Variants in ACADSB observed in about 807,000 individuals in gnomAD.
The protein encoded by ACADSB is short/branched chain specific acyl-CoA dehydrogenase, mitochondrial.
In ACADSB, 40 loss-of-function variants were observed where a neutral mutation model predicts 54.1. The observed-to-expected ratio is 0.74, with a 90% CI of 0.57 to 0.96. The LOEUF (loss-of-function observed/expected upper bound fraction) is 0.96, where lower values mean the gene tolerates loss of function less well. Among genes scored for constraint, ACADSB ranks in the 40% least tolerant of loss-of-function variants. The pLI is 0.00. For synonymous variants in ACADSB, 182 were observed against 182.8 expected (o/e 1.00, Z 0.03); for missense variants, 530 against 510.4 (o/e 1.04, Z -0.37).
intron 6 of ACADSB, among the ~76,000 whole-genome samples, chr10:123,043,395 C>A (rs1014383938): frequency 6.6e-6 from 1 of 152,218 alleles, no homozygotes; most frequent in Non-Finnish European, 1.5e-5. Context: ...GAAGCAAGTG[C>A]CAAGAATTCA....
intron 1 of ACADSB, among the ~76,000 whole-genome samples, chr10:123,009,274 G>T (rs1008403585): frequency 6.6e-6 from 1 of 152,174 alleles, no homozygotes; most frequent in Non-Finnish European, 1.5e-5. Flanking sequence ...TGGCAAGGGG[G>T]TCGGGGCTGT....
At chr10:123,024,200 G>T (rs1193227099) in intron 1 of ACADSB, among the ~76,000 whole-genome samples, 1 of 152,234 alleles carries the variant, frequency 6.6e-6, no homozygotes, top group Admixed American at 6.5e-5. Flanking sequence ...AGGCTGAGTG[G>T]GTTTCTTTTG....
rs902377456 is a variant in ACADSB at position 123,053,236 on chromosome 10, G to GT, written c.1228+83dup. The GT allele has an allele frequency of 3.4e-5, 42 of 1,234,146 alleles. No homozygotes were observed. The African/African-American group carries it at 4.4e-4, about 13-fold the overall frequency. 76.4% of individuals were successfully genotyped at this position (1,234,146 alleles called of 1,614,324 possible). ...AGGTATTTTGGCTGTTTTATTTGTC[G>GT]TTTTTTTCCTAGGTAAAAGCAATTT... On this transcript the variant is annotated intron_variant, in intron 10 of 10. Transcript: ENST00000358776.
chr10:123,041,474 C>T lies in ACADSB; in HGVS notation c.681+95C>T, dbSNP rs546153820. ...TTCTGTTTCCTTTTTAGGACTTCAT[C>T]TTGAACTCTTTAGTCTTCTCAGTAC... is the stretch of plus-strand genomic sequence containing the variant. On this transcript the variant is annotated intron_variant, in intron 5 of 10. Transcript: ENST00000358776. The T allele has an allele frequency of 4.5e-6, 6 of 1,320,210 alleles. No homozygotes were observed. In the East Asian group the frequency reaches 1.4e-4, roughly 31 times the overall value. 81.8% of individuals were successfully genotyped at this position (1,320,210 alleles called of 1,614,324 possible).
chr10:123,043,647 T>A (rs969990173), intron 6 of ACADSB, among the ~76,000 whole-genome samples: 8 of 152,110 alleles, frequency 5.3e-5, no homozygotes, highest in African/African-American at 1.9e-4. Context: ...TGGTGTCGGC[T>A]TTTCCACCAC....
intron 1 of ACADSB, among the ~76,000 whole-genome samples, chr10:123,020,462 G>A (rs1468999392): frequency 1.3e-5 from 2 of 152,212 alleles, no homozygotes; most frequent in Non-Finnish European, 2.9e-5. Flanking sequence ...TGATAGGGAT[G>A]TACCACAGAT....
At chr10:123,032,280 C>T (rs1456556647) in intron 1 of ACADSB, among the ~76,000 whole-genome samples, 1 of 151,324 alleles carries the variant, frequency 6.6e-6, no homozygotes, top group Non-Finnish European at 1.5e-5. Flanking sequence ...CACCCGGCCT[C>T]GTGAGCTTTC....
chr10:123,041,162 G>C (rs758963699), intron 4 of ACADSB, 47 bp from the exon 5 acceptor site: 4 of 1,579,118 alleles, frequency 2.5e-6, no homozygotes, highest in East Asian at 2.2e-5. Context: ...GTTATACAGA[G>C]TATAAATACA....
intron 1 of ACADSB, among the ~76,000 whole-genome samples, chr10:123,012,125 C>A (rs1392199990): frequency 6.6e-6 from 1 of 152,214 alleles, no homozygotes; most frequent in Non-Finnish European, 1.5e-5. Flanking sequence ...GCTGGGATTA[C>A]AGGCATGAGC....
At chr10:123,035,019 G>A (rs1335865399) in intron 2 of ACADSB, among the ~76,000 whole-genome samples, 1 of 150,686 alleles carries the variant, frequency 6.6e-6, no homozygotes, top group Non-Finnish European at 1.5e-5. Flanking sequence ...GCGCAATCTC[G>A]GCTCACAGCA....
At position 123,053,763 on chromosome 10, in the gene ACADSB, T is replaced by C. The variant is rs1850665435; in HGVS notation, c.1297T>C (p.Ter433ArgextTer3). 1 of 1,613,532 alleles carries C rather than the reference T, an allele frequency of 6.2e-7. No homozygotes were observed. The highest frequency in any genetic ancestry group is 8.5e-7 in the Non-Finnish European group (1 of 1,179,392). Reference protein sequence around the residue: ...TIAKHIDAEY* With the variant: ...TIAKHIDAEYR ...TGCAAAGCATATCGATGCAGAATACTGACGTCTATAGGAGTGGGACCCCTC... is the reference window on the plus strand; with the variant it reads ...TGCAAAGCATATCGATGCAGAATACCGACGTCTATAGGAGTGGGACCCCTC... Residue 433 changes from the stop codon to arginine, a stop_lost, in exon 11 of 11, where the codon TGA becomes CGA. Transcript: ENST00000358776.
intron 1 of ACADSB, among the ~76,000 whole-genome samples, chr10:123,030,697 T>G (rs1468394365): frequency 6.6e-6 from 1 of 152,226 alleles, no homozygotes; most frequent in Non-Finnish European, 1.5e-5. Flanking sequence ...TTTAAAGCAC[T>G]TTAAGAATGT....
In ACADSB at chr10:123,058,023, T is replaced by C. The variant is rs1295470418; in HGVS notation, c.*4258T>C. On this transcript the variant is annotated 3_prime_UTR_variant, in exon 11 of 11. Transcript: ENST00000358776. Reference sequence around the variant, plus strand: ...TAGTCAGTGTCATCGCTTATGTATATGAATCACTTGCCAAAGACACTGGCT... The same window carrying C: ...TAGTCAGTGTCATCGCTTATGTATACGAATCACTTGCCAAAGACACTGGCT... 1 of 152,226 alleles carries C rather than the reference T, an allele frequency of 6.6e-6. No individual in the cohort carries two copies. The highest frequency in any genetic ancestry group is 1.5e-5 in the Non-Finnish European group (1 of 68,028). 9.4% of individuals were successfully genotyped at this position (152,226 alleles called of 1,614,324 possible).
At chr10:123,028,554 T>C (rs913195405) in intron 1 of ACADSB, among the ~76,000 whole-genome samples, 11 of 151,926 alleles carry the variant, frequency 7.2e-5, no homozygotes, top group Non-Finnish European at 1.6e-4. Context: ...TCATAGCTAG[T>C]CAGAAAGCTG....
In ACADSB at chr10:123,034,484, T is replaced by C; in HGVS notation, c.171T>C (p.Phe57=). ...TACACTTTGCTCCCCTGCAAACATT[T>C]ACAGATGAGGAAATGATGATAAAGA... ...NGIHFAPLQT[F]TDEEMMIKSS... is the part of the protein sequence containing the mutation. Residue 57 remains phenylalanine (F), a synonymous_variant, in exon 2 of 11, where the codon TTT becomes TTC. Transcript: ENST00000358776. 1 of 1,611,512 alleles carries C rather than the reference T, an allele frequency of 6.2e-7. No homozygotes were observed. Among genetic ancestry groups the C allele is most frequent in the East Asian group, 2.2e-5 (1 of 44,866 alleles).
chr10:123,037,766 A>G lies in ACADSB; in HGVS notation c.222A>G (p.Glu74=). 1 of 1,611,224 alleles carries G rather than the reference A, an allele frequency of 6.2e-7. No homozygotes were observed. Among genetic ancestry groups the G allele is most frequent in the Non-Finnish European group, 8.5e-7 (1 of 1,177,516 alleles). ...IKSSVKKFAQ[E]QIAPLVSTMD... is the part of the protein sequence containing the mutation. ...CTACAGTTAAAAAATTTGCTCAGGA[A>G]CAAATTGCACCTTTGGTTTCAACCA... The change falls in exon 3 of 11, where the codon GAA becomes GAG. Residue 74 remains glutamate (E), a synonymous_variant. Coordinates refer to ENST00000358776, the MANE Select transcript of ACADSB (RefSeq NM_001609.4).
chr10:123,053,051 C>A lies in ACADSB; in HGVS notation c.1129-10C>A. ...GGTTTCAGTGTGTGATTTGCACTTG[C>A]TTTTGGTAGATTGCAGGACAAACAA... On this transcript the variant is annotated splice_polypyrimidine_tract_variant and intron_variant, in intron 9 of 10. Coordinates refer to ENST00000358776, the MANE Select transcript of ACADSB (RefSeq NM_001609.4). 1 of 1,610,828 alleles carries A rather than the reference C, an allele frequency of 6.2e-7. No individual in the cohort carries two copies. The highest frequency in any genetic ancestry group is 8.5e-7 in the Non-Finnish European group (1 of 1,177,174).
At position 123,048,624 on chromosome 10, in the gene ACADSB, G is replaced by T. The variant is rs188047121; in HGVS notation, c.990+1326G>T. ...TAGATCAATAGACAGAAGGGGTCAG[G>T]TATACTAACAGGTATAATCATAATG... On this transcript the variant is annotated intron_variant, in intron 8 of 10. Coordinates refer to ENST00000358776, the MANE Select transcript of ACADSB (RefSeq NM_001609.4). Among the ~76,000 whole-genome samples the T allele has an allele frequency of 4.0e-3, 611 of 152,160 alleles. 2 individuals are homozygous for T. The highest frequency in any genetic ancestry group is 6.4e-3 in the Non-Finnish European group (437 of 68,002).
At chr10:123,044,807 C>T (rs1375757604) in intron 7 of ACADSB, among the ~76,000 whole-genome samples, 2 of 152,002 alleles carry the variant, frequency 1.3e-5, no homozygotes, top group African/African-American at 4.8e-5. Flanking sequence ...CTTTTCAAAG[C>T]ATGAAATTCA....
Sources: allele counts gnomAD v4.1 joint callset (sites outside exome capture counted in the v4.1 genomes callset), GRCh38; gene constraint gnomAD v4.1.1; transcripts MANE v1.5; gene names NCBI Gene and HGNC (gene_info 2026-07-23, HGNC 2026-07-21).